Variants in CSMD3 observed in about 807,000 individuals in gnomAD.
CSMD3 encodes CUB and Sushi multiple domains 3, also known as CUB and sushi domain-containing protein 3.
A neutral mutation model predicts 435.2 loss-of-function variants in CSMD3; 177 were observed. The observed-to-expected ratio is 0.41, with a 90% CI of 0.36 to 0.46. The LOEUF (loss-of-function observed/expected upper bound fraction) is 0.46, where lower values mean the gene tolerates loss of function less well. CSMD3 is among the 20% of genes least tolerant of loss of function. The pLI, the probability that CSMD3 is intolerant of heterozygous loss-of-function variation, is 0.34. For synonymous variants in CSMD3, 1,656 were observed against 1,520.5 expected (o/e 1.09, Z -2.07); for missense variants, 4,265 against 4,504.6 (o/e 0.95, Z 1.52).
chr8:113,170,574 A>G (rs2092249934), intron 4 of CSMD3, among the ~76,000 whole-genome samples: 1 of 152,104 alleles, frequency 6.6e-6, no homozygotes. Context: ...CGATATTAAT[A>G]CCTTCCTTAT....
At chr8:113,258,610 T>C (rs572029625) in intron 3 of CSMD3, among the ~76,000 whole-genome samples, 3 of 152,252 alleles carry the variant, frequency 2.0e-5, no homozygotes, top group African/African-American at 7.2e-5. Context: ...ATATTATTGC[T>C]ATATTATGTT....
At chr8:112,921,900 A>G (rs2082755729) in intron 9 of CSMD3, 149 bp from the exon 10 acceptor site, 1 of 669,100 alleles carries the variant, frequency 1.5e-6, no homozygotes, top group East Asian at 2.7e-5. Context: ...TATGACTTGT[A>G]GAAATGTAAA....
At chr8:113,117,596 C>T (rs78148928) in intron 4 of CSMD3, among the ~76,000 whole-genome samples, 2,307 of 152,296 alleles carry the variant, frequency 0.015, 60 homozygotes, top group African/African-American at 0.053. Flanking sequence ...CTCCAGACTC[C>T]AGAATGGCAG....
intron 36 of CSMD3, 137 bp from the exon 37 acceptor site, chr8:112,383,800 C>A: frequency 1.5e-6 from 1 of 688,746 alleles, no homozygotes; most frequent in Non-Finnish European, 2.6e-6. Context: ...GGGTTTTTAA[C>A]AGAACTGATT....
chr8:113,270,841 G>T (rs746047046), intron 3 of CSMD3, among the ~76,000 whole-genome samples: 29 of 151,956 alleles, frequency 1.9e-4, no homozygotes, highest in Non-Finnish European at 3.7e-4. Context: ...GGGAGGAGGG[G>T]GGAGGGATAG....
chr8:112,223,487 T>A lies in CSMD3; in HGVS notation c.*1284A>T, dbSNP rs185710650. 1 of 161,284 alleles carries A rather than the reference T, an allele frequency of 6.2e-6. No homozygotes were observed. 10.0% of individuals were successfully genotyped at this position (161,284 alleles called of 1,614,324 possible). Reference sequence around the variant, plus strand: ...ACGATGACCTATTAAATAAAAATGCTGGCATTACTGTATGATACAGTTTAA... The same window carrying A: ...ACGATGACCTATTAAATAAAAATGCAGGCATTACTGTATGATACAGTTTAA... On this transcript the variant is annotated 3_prime_UTR_variant, in exon 71 of 71. Transcript: ENST00000297405.
intron 28 of CSMD3, 69 bp from the exon 29 acceptor site, chr8:112,506,898 G>C: frequency 1.4e-6 from 2 of 1,393,766 alleles, no homozygotes; most frequent in South Asian, 2.4e-5. Flanking sequence ...CAATATTTTT[G>C]AAATCACGTC....
At chr8:112,855,311 T>G (rs544336654) in intron 11 of CSMD3, among the ~76,000 whole-genome samples, 1 of 152,140 alleles carries the variant, frequency 6.6e-6, no homozygotes, top group African/African-American at 2.4e-5. Flanking sequence ...TATTTAAAAC[T>G]CTTAGTGTGA....
At chr8:112,686,038 G>C (rs2076003368) in intron 14 of CSMD3, among the ~76,000 whole-genome samples, 1 of 152,116 alleles carries the variant, frequency 6.6e-6, no homozygotes, top group Non-Finnish European at 1.5e-5. Flanking sequence ...TGTTTAAAAA[G>C]TGAAAAAATA....
intron 35 of CSMD3, among the ~76,000 whole-genome samples, chr8:112,397,618 G>A (rs925557010): frequency 1.7e-4 from 26 of 152,048 alleles, no homozygotes; most frequent in African/African-American, 4.8e-4. Context: ...ATATACGACC[G>A]TCTTCTGGCT....
intron 45 of CSMD3, 79 bp from the exon 46 acceptor site, chr8:112,320,060 T>C: frequency 1.1e-6 from 1 of 882,362 alleles, no homozygotes; most frequent in Non-Finnish European, 1.9e-6. Context: ...AAGAAAATTA[T>C]GGAAAGTTGT....
intron 62 of CSMD3, among the ~76,000 whole-genome samples, chr8:112,254,859 G>A (rs907807239): frequency 8.5e-5 from 13 of 152,062 alleles, no homozygotes; most frequent in Middle Eastern, 6.8e-3. Context: ...TTAATTTTAG[G>A]ATTACAGAAA....
chr8:113,354,534 A>G (rs550564288), intron 1 of CSMD3, among the ~76,000 whole-genome samples: 7 of 152,386 alleles, frequency 4.6e-5, no homozygotes, highest in African/African-American at 1.7e-4. Context: ...ATCTTGCTAA[A>G]CATGAATGTT....
intron 6 of CSMD3, among the ~76,000 whole-genome samples, chr8:112,983,567 GATTA>G (rs1294187475): frequency 6.7e-6 from 1 of 149,788 alleles, no homozygotes. Context: ...GGCCATACTA[GATTA>G]ATTGTTTAAC....
Position 113,424,423 on chromosome 8 carries a change from C to A in CSMD3, c.178+12254G>T, listed in dbSNP as rs541344314. ...TAACAAATGGAAAAAATTACTAAATCTGTTATATTTATATTTAGCTAATTT... is the reference window on the plus strand; with the variant it reads ...TAACAAATGGAAAAAATTACTAAATATGTTATATTTATATTTAGCTAATTT... On this transcript the variant is annotated intron_variant, in intron 1 of 70. Coordinates refer to ENST00000297405, the MANE Select transcript of CSMD3 (RefSeq NM_198123.2). Among the ~76,000 whole-genome samples the A allele has an allele frequency of 7.9e-5, 12 of 151,638 alleles. No homozygotes were observed. The South Asian group carries it at 2.5e-3, about 32-fold the overall frequency.
At chr8:112,759,504 T>C (rs2077783037) in intron 13 of CSMD3, among the ~76,000 whole-genome samples, 1 of 152,120 alleles carries the variant, frequency 6.6e-6, no homozygotes, top group Non-Finnish European at 1.5e-5. Flanking sequence ...TATATTACAT[T>C]GAAATGTACA....
intron 1 of CSMD3, among the ~76,000 whole-genome samples, chr8:113,381,399 G>A (rs1366924085): frequency 1.3e-5 from 2 of 151,876 alleles, no homozygotes; most frequent in Admixed American, 6.6e-5. Context: ...ATTCTTTTGG[G>A]GATCTAACTC....
chr8:113,147,359 C>T (rs1001060137), intron 4 of CSMD3, among the ~76,000 whole-genome samples: 1 of 151,664 alleles, frequency 6.6e-6, no homozygotes, highest in Non-Finnish European at 1.5e-5. Context: ...TATCTGGTTG[C>T]AAAACTTAAA....
intron 18 of CSMD3, among the ~76,000 whole-genome samples, chr8:112,651,434 A>G (rs886718437): frequency 4.6e-5 from 7 of 152,176 alleles, no homozygotes; most frequent in African/African-American, 1.7e-4. Context: ...TGTTATTTTA[A>G]TGAGAAACTA....
Sources: allele counts gnomAD v4.1 joint callset (sites outside exome capture counted in the v4.1 genomes callset), GRCh38; gene constraint gnomAD v4.1.1; transcripts MANE v1.5; gene names NCBI Gene and HGNC (gene_info 2026-07-23, HGNC 2026-07-21).